TOX: variants seen among roughly 807,000 people sequenced by gnomAD.
TOX encodes thymocyte selection-associated high mobility group box protein TOX.
A neutral mutation model predicts 53.7 loss-of-function variants in TOX; 11 were observed. The observed-to-expected ratio is 0.20, with a 90% CI of 0.13 to 0.34. TOX has a LOEUF of 0.34. Ranked by LOEUF, TOX falls within the 10% of genes least tolerant of loss-of-function variation. The probability of loss-of-function intolerance (pLI) is 1.00; values close to 1 mark genes in which losing one functional copy is unlikely to be tolerated. For synonymous variants in TOX, 225 were observed against 245.3 expected (o/e 0.92, Z 0.77); for missense variants, 570 against 664.6 (o/e 0.86, Z 1.56).
intron 1 of TOX, among the ~76,000 whole-genome samples, chr8:59,065,308 A>C (rs1476473351): frequency 6.6e-6 from 1 of 152,228 alleles, no homozygotes; most frequent in Non-Finnish European, 1.5e-5. Context: ...AAGGAGTAAG[A>C]GAATGGTTAG....
At position 58,851,158 on chromosome 8, in the gene TOX, G is replaced by GTC. The variant is rs560478337; in HGVS notation, c.693+364_693+365dup. Among the ~76,000 whole-genome samples, 12,191 of 117,374 alleles carry GTC rather than the reference G, an allele frequency of 0.1. 1,145 individuals carry two copies. The highest frequency in any genetic ancestry group is 0.27 in the African/African-American group (8,519 of 31,580). 77.0% of individuals were successfully genotyped at this position (117,374 alleles called of 152,430 possible). On this transcript the variant is annotated intron_variant, in intron 4 of 8. Transcript: ENST00000361421. This position sits in a 1 kb window ranked among gnomAD's most constrained non-coding sequence, Gnocchi z 4.4. Reference sequence around the variant, plus strand: ...CACCATACATCTCCTCTCTCTCTCTGTCTCTCTCTCTCTCTCTCTCTCTCT... The same window carrying GTC: ...CACCATACATCTCCTCTCTCTCTCTGTCTCTCTCTCTCTCTCTCTCTCTCTCT...
intron 3 of TOX, among the ~76,000 whole-genome samples, chr8:58,920,515 C>G (rs1466113144): frequency 1.3e-3 from 87 of 66,060 alleles, no homozygotes; most frequent in African/African-American, 4.9e-3. Context: ...AATGAGATCA[C>G]ATGGACACAG....
chr8:58,818,516 C>T (rs1008996257), intron 6 of TOX, among the ~76,000 whole-genome samples: 3 of 152,150 alleles, frequency 2.0e-5, no homozygotes, highest in Non-Finnish European at 2.9e-5. Flanking sequence ...TCCAAAAGGG[C>T]ATCTTTTTTT....
intron 3 of TOX, among the ~76,000 whole-genome samples, chr8:58,936,429 T>G (rs1812346054): frequency 6.6e-6 from 1 of 152,188 alleles, no homozygotes; most frequent in Non-Finnish European, 1.5e-5. Context: ...ATGTTTCTAA[T>G]TGTTTCATAA....
chr8:59,013,121 A>G (rs1295439926), intron 1 of TOX, among the ~76,000 whole-genome samples: 1 of 152,064 alleles, frequency 6.6e-6, no homozygotes, highest in African/African-American at 2.4e-5. Flanking sequence ...TGTTTTCTCA[A>G]TTCTTGGATT....
At chr8:59,065,785 G>C (rs527792866) in intron 1 of TOX, among the ~76,000 whole-genome samples, 1 of 152,092 alleles carries the variant, frequency 6.6e-6, no homozygotes, top group Non-Finnish European at 1.5e-5. Flanking sequence ...TCCAAACTAA[G>C]ATTCTTTCAC....
chr8:58,992,157 A>C (rs575133495), intron 1 of TOX: 54 of 152,358 alleles, frequency 3.5e-4, no homozygotes, highest in African/African-American at 1.2e-3. Flanking sequence ...AAGCAAGACG[A>C]AGGGGAATAA....
chr8:58,880,668 AGAT>A (rs1811368888), intron 3 of TOX, among the ~76,000 whole-genome samples: 1 of 152,162 alleles, frequency 6.6e-6, no homozygotes, highest in African/African-American at 2.4e-5. Context: ...CATGGGCCTG[AGAT>A]GATGAAGTTG....
intron 1 of TOX, among the ~76,000 whole-genome samples, chr8:59,028,421 A>G (rs1007551428): frequency 4.6e-5 from 7 of 152,208 alleles, no homozygotes; most frequent in Non-Finnish European, 7.4e-5. Context: ...AGTTTCTTAG[A>G]CATCAAAAAT....
At chr8:58,839,315 G>C (rs1455596231) in intron 4 of TOX, among the ~76,000 whole-genome samples, 6 of 152,178 alleles carry the variant, frequency 3.9e-5, no homozygotes, top group Admixed American at 3.9e-4. Context: ...AATTTAAATA[G>C]CTACATATGA....
intron 1 of TOX, among the ~76,000 whole-genome samples, chr8:59,018,578 C>T (rs117601884): frequency 9.3e-4 from 141 of 152,212 alleles, no homozygotes; most frequent in Non-Finnish European, 1.5e-3. Flanking sequence ...CCGAGTCACA[C>T]GGAAGGATTC....
chr8:58,963,314 T>TATATAGATAGATAGATAG (rs71557744), intron 1 of TOX, among the ~76,000 whole-genome samples: 1 of 130,648 alleles, frequency 7.7e-6, no homozygotes, highest in African/African-American at 2.7e-5. Flanking sequence ...TAGATATATA[T>TATATAGATAGATAGATAG]ATAGATAGAT....
chr8:58,883,956 A>T (rs1213164754), intron 3 of TOX, among the ~76,000 whole-genome samples: 1 of 152,190 alleles, frequency 6.6e-6, no homozygotes, highest in Non-Finnish European at 1.5e-5. Flanking sequence ...GAATGGAAAG[A>T]AGCAACAAGG....
rs1249659628 is a variant in TOX, at chr8:58,862,679, A to T, written c.412-10874T>A. 5.9e-5 allele frequency among the ~76,000 whole-genome samples: 9 copies of T among 152,150 alleles called. No homozygotes were observed. The South Asian group carries it at 6.2e-4, about 11-fold the overall frequency. On this transcript the variant is annotated intron_variant, in intron 3 of 8. Coordinates refer to ENST00000361421, the MANE Select transcript of TOX (RefSeq NM_014729.3). ...CGAACCATGAAATTAGAAAAGTGTT[A>T]TTAGAAGTATTCTCTGGTTTTTATA...
chr8:58,933,951 C>T (rs1017844933), intron 3 of TOX, among the ~76,000 whole-genome samples: 1 of 152,172 alleles, frequency 6.6e-6, no homozygotes, highest in Non-Finnish European at 1.5e-5. Context: ...TTGCCCATGA[C>T]TGACAAGCTT....
chr8:59,046,620 G>A (rs1803685923), intron 1 of TOX, among the ~76,000 whole-genome samples: 1 of 152,132 alleles, frequency 6.6e-6, no homozygotes, highest in Non-Finnish European at 1.5e-5. Flanking sequence ...CACTTTGAGA[G>A]GCCAAAGTGG....
At chr8:58,987,398 T>A (rs1813352639) in intron 1 of TOX, among the ~76,000 whole-genome samples, 1 of 152,228 alleles carries the variant, frequency 6.6e-6, no homozygotes, top group Admixed American at 6.5e-5. Context: ...AAACCTTTTC[T>A]GCATCTTTTT....
At chr8:58,957,841 C>A (rs563752524) in intron 2 of TOX, among the ~76,000 whole-genome samples, 2 of 152,040 alleles carry the variant, frequency 1.3e-5, no homozygotes, top group African/African-American at 4.8e-5. Context: ...TGACTAAAAT[C>A]TTATTTATGG....
intron 1 of TOX, among the ~76,000 whole-genome samples, chr8:59,105,806 T>G (rs931807349): frequency 1.3e-5 from 2 of 152,196 alleles, no homozygotes; most frequent in African/African-American, 4.8e-5. Flanking sequence ...TCCCAAAGTT[T>G]CCTGTTACAT....
Sources: gnomAD v4.1 joint callset for allele counts (sites outside exome capture counted in the v4.1 genomes callset) on GRCh38, gnomAD v4.1.1 for gene constraint, Gnocchi (gnomAD v3.1) non-coding constraint, MANE v1.5 for transcripts, NCBI Gene and HGNC (gene_info 2026-07-23, HGNC 2026-07-21) for gene names.